NEK11: variants seen among roughly 807,000 people sequenced by gnomAD.
NEK11 encodes the protein NIMA related kinase 11, also known as serine/threonine-protein kinase Nek11.
NEK11 carries 72 observed loss-of-function variants against 80.7 expected under a neutral mutation model. That is an observed-to-expected ratio of 0.89 (90% CI 0.74 to 1.08). The LOEUF (loss-of-function observed/expected upper bound fraction) is 1.08, where lower values mean the gene tolerates loss of function less well. Among genes scored for constraint, NEK11 ranks in the 50% least tolerant of loss-of-function variants. The pLI is 0.00. For missense variants in NEK11, 764 were observed against 763.6 expected, an observed-to-expected ratio of 1.00 and a Z score of -0.01; for synonymous variants, 251 against 260.7, an observed-to-expected ratio of 0.96 and a Z score of 0.36.
chr3:131,237,283 C>T (rs774952272), intron 15 of NEK11, among the ~76,000 whole-genome samples: 7 of 152,088 alleles, frequency 4.6e-5, no homozygotes, highest in African/African-American at 7.2e-5. Context: ...CTGCAGTGAG[C>T]GATGATTAAG....
chr3:131,059,196 T>C (rs1358570542), intron 3 of NEK11, among the ~76,000 whole-genome samples: 2 of 152,194 alleles, frequency 1.3e-5, no homozygotes, highest in African/African-American at 2.4e-5. Context: ...TGAATTTTAT[T>C]TTGAGGTACT....
chr3:131,269,672 T>C (rs1561295635), intron 16 of NEK11, among the ~76,000 whole-genome samples: 3 of 152,190 alleles, frequency 2.0e-5, no homozygotes, highest in Non-Finnish European at 4.4e-5. Context: ...CTGTTCCTAT[T>C]CGGCCATCTT....
intron 7 of NEK11, among the ~76,000 whole-genome samples, chr3:131,141,537 T>C (rs751316197): frequency 3.3e-4 from 50 of 152,220 alleles, no homozygotes; most frequent in Non-Finnish European, 6.5e-4. Context: ...CAAATGTATG[T>C]GTTTAAAATT....
intron 3 of NEK11, among the ~76,000 whole-genome samples, chr3:131,061,810 TCC>T (rs905643407): frequency 3.3e-5 from 5 of 152,154 alleles, no homozygotes; most frequent in African/African-American, 1.2e-4. Context: ...AAGGACAACC[TCC>T]CTGCCATCAC....
At position 131,203,170 on chromosome 3, in the gene NEK11, G is replaced by A. The variant is rs182174661; in HGVS notation, c.1400-25358G>A. On this transcript the variant is annotated intron_variant, in intron 14 of 17. Transcript: ENST00000383366. ...CACTATTCACAATAGCAAACACTTG[G>A]AATCAACCCAAATGTCCATCAATGA... 8.3e-3 allele frequency among the ~76,000 whole-genome samples: 1,270 copies of A among 152,132 alleles called. 7 individuals carry two copies. Among genetic ancestry groups the A allele is most frequent in the Non-Finnish European group, 0.014 (931 of 67,982 alleles).
At chr3:131,256,899 A>G (rs2095825603) in intron 16 of NEK11, among the ~76,000 whole-genome samples, 1 of 152,130 alleles carries the variant, frequency 6.6e-6, no homozygotes, top group South Asian at 2.1e-4. Context: ...AGACTGACCA[A>G]TATTGCTGCC....
rs147562771 is a variant in NEK11, at chr3:131,260,897, TCTCAGGTGC to T, written c.1622-12580_1622-12572del. ...TGTGAGGATTCCTGAGTAAGCAATGTCTCAGGTGCTTAAGTGAGATCTTGTTTGCCAAAA... is the reference window on the plus strand; with the variant it reads ...TGTGAGGATTCCTGAGTAAGCAATGTTTAAGTGAGATCTTGTTTGCCAAAA... On this transcript the variant is annotated intron_variant, in intron 16 of 17. Coordinates refer to ENST00000383366, the MANE Select transcript of NEK11 (RefSeq NM_024800.5). 9.7e-4 allele frequency among the ~76,000 whole-genome samples: 148 copies of T among 152,266 alleles called. 1 individual carries two copies. The East Asian group carries it at 0.028, about 29-fold the overall frequency.
chr3:131,327,480 G>T (rs2096987087), intron 17 of NEK11: 1 of 152,258 alleles, frequency 6.6e-6, no homozygotes, highest in South Asian at 2.1e-4. Flanking sequence ...CCACATCCCA[G>T]TGCAGAACTC....
At chr3:131,308,394 T>C (rs2096743585) in intron 17 of NEK11, among the ~76,000 whole-genome samples, 1 of 152,226 alleles carries the variant, frequency 6.6e-6, no homozygotes, top group Admixed American at 6.5e-5. Flanking sequence ...ATTTGTTGTG[T>C]GTAATCAACT....
chr3:131,159,428 A>G (rs1013549472), intron 10 of NEK11, among the ~76,000 whole-genome samples: 1 of 152,202 alleles, frequency 6.6e-6, no homozygotes, highest in African/African-American at 2.4e-5. Flanking sequence ...AATAGCTAGT[A>G]TAGAAAAGAA....
chr3:131,331,642 C>T (rs975770981), intron 17 of NEK11, among the ~76,000 whole-genome samples: 4 of 152,156 alleles, frequency 2.6e-5, no homozygotes, highest in African/African-American at 4.8e-5. Context: ...GTGCGTGAGC[C>T]GAAGCAGGGC....
chr3:131,318,543 G>A (rs1334844092), intron 17 of NEK11, among the ~76,000 whole-genome samples: 1 of 151,804 alleles, frequency 6.6e-6, no homozygotes, highest in Admixed American at 6.6e-5. Context: ...GTATCAATAA[G>A]AGTTGTTTTG....
chr3:131,219,940 C>G (rs1178798736), intron 14 of NEK11, among the ~76,000 whole-genome samples: 1 of 152,086 alleles, frequency 6.6e-6, no homozygotes, highest in East Asian at 1.9e-4. Context: ...GTGAAGTAGC[C>G]CACCTGAGGT....
At chr3:131,082,015 C>T (rs534381589) in intron 4 of NEK11, among the ~76,000 whole-genome samples, 9 of 152,310 alleles carry the variant, frequency 5.9e-5, no homozygotes, top group Non-Finnish European at 1.0e-4. Flanking sequence ...AGGTCAGCCT[C>T]AGCCTTGCTG....
At chr3:131,243,962 A>G (rs1299400494) in intron 16 of NEK11, among the ~76,000 whole-genome samples, 1 of 152,068 alleles carries the variant, frequency 6.6e-6, no homozygotes, top group African/African-American at 2.4e-5. Context: ...TAGGATTGCT[A>G]TGCTTCAGGG....
At chr3:131,139,890 CA>C (rs576586952) in intron 7 of NEK11, among the ~76,000 whole-genome samples, 10 of 152,160 alleles carry the variant, frequency 6.6e-5, no homozygotes, top group Admixed American at 2.6e-4. Context: ...CGAGGAGCAT[CA>C]GGGGCGAGGA....
At chr3:131,191,410 T>C (rs2093790202) in intron 14 of NEK11, among the ~76,000 whole-genome samples, 1 of 152,162 alleles carries the variant, frequency 6.6e-6, no homozygotes, top group African/African-American at 2.4e-5. Flanking sequence ...TTTTCAAAGC[T>C]AGCAACACTG....
chr3:131,237,712 A>G (rs1406025995), intron 15 of NEK11, among the ~76,000 whole-genome samples: 1 of 152,160 alleles, frequency 6.6e-6, no homozygotes, highest in Non-Finnish European at 1.5e-5. Context: ...TGAAATAAGC[A>G]TGTACTAAAG....
intron 14 of NEK11, among the ~76,000 whole-genome samples, chr3:131,179,582 A>G (rs1174606146): frequency 6.6e-6 from 1 of 152,224 alleles, no homozygotes; most frequent in Non-Finnish European, 1.5e-5. Context: ...CTAAATTAAC[A>G]ATGTATTATA....
Sources: gnomAD v4.1 joint callset for allele counts (sites outside exome capture counted in the v4.1 genomes callset) on GRCh38, gnomAD v4.1.1 for gene constraint, MANE v1.5 for transcripts, NCBI Gene and HGNC (gene_info 2026-07-23, HGNC 2026-07-21) for gene names.